The following TMCC1 variants were observed in gnomAD, a reference collection of about 807,000 sequenced individuals.
TMCC1 encodes the protein transmembrane and coiled-coil domain family 1.
In TMCC1, 15 loss-of-function variants were observed where a neutral mutation model predicts 52.4. That is an observed-to-expected ratio of 0.29 (90% CI 0.19 to 0.44). The LOEUF (loss-of-function observed/expected upper bound fraction) is 0.44, where lower values mean the gene tolerates loss of function less well. TMCC1 is among the 20% of genes least tolerant of loss of function. The pLI, the probability that TMCC1 is intolerant of heterozygous loss-of-function variation, is 1.00. For missense variants in TMCC1, 503 were observed against 806.0 expected (o/e 0.62, Z 4.55); for synonymous variants, 279 against 301.9 (o/e 0.92, Z 0.79).
rs540523494 is a variant in TMCC1, at chr3:129,767,430, T to C, written c.576+60373A>G. On this transcript the variant is annotated intron_variant, in intron 4 of 6. Transcript: ENST00000393238. ...CTCTGTTGCCCAGGTTGGAGTGCAG[T>C]AGTGCAGTGATAGCTTGCTGCAGTT... Among the ~76,000 whole-genome samples, 499 of 152,218 alleles carry C rather than the reference T, an allele frequency of 3.3e-3. 3 individuals carry two copies. The highest frequency in any genetic ancestry group is 5.7e-3 in the Non-Finnish European group (389 of 67,996).
At chr3:129,684,888 A>T (rs1456518858) in intron 4 of TMCC1, among the ~76,000 whole-genome samples, 1 of 152,226 alleles carries the variant, frequency 6.6e-6, no homozygotes, top group East Asian at 1.9e-4. Context: ...AGGCTTTACA[A>T]TTTAATTCAT....
chr3:129,811,638 T>C (rs2057812826), intron 4 of TMCC1, among the ~76,000 whole-genome samples: 1 of 152,096 alleles, frequency 6.6e-6, no homozygotes, highest in Non-Finnish European at 1.5e-5. Context: ...CTATGCATTT[T>C]TTTAAAAAAG....
At chr3:129,877,736 T>C (rs369251370) in intron 2 of TMCC1, among the ~76,000 whole-genome samples, 158 of 149,816 alleles carry the variant, frequency 1.1e-3, no homozygotes, top group African/African-American at 3.5e-3. Context: ...TCAAGCAATT[T>C]TCCTGCCTCA....
chr3:129,772,127 T>C (rs747419205), intron 4 of TMCC1, among the ~76,000 whole-genome samples: 2 of 152,024 alleles, frequency 1.3e-5, no homozygotes, highest in African/African-American at 2.4e-5. Flanking sequence ...GGAAGGCCAA[T>C]GTGGGAGGAT....
rs1004724568 is a variant in TMCC1 at position 129,649,020 on chromosome 3, A to G, written c.*2461T>C. On this transcript the variant is annotated 3_prime_UTR_variant, in exon 7 of 7. Transcript: ENST00000393238. ...GAAGATAGAAAGTCAGCATGGGACTATTTGGCTGGAGGCAGGGGGCTTTCT... is the reference window on the plus strand; with the variant it reads ...GAAGATAGAAAGTCAGCATGGGACTGTTTGGCTGGAGGCAGGGGGCTTTCT... 2.6e-4 allele frequency: 39 copies of G among 152,244 alleles called. No individual in the cohort carries two copies. Among genetic ancestry groups the G allele is most frequent in the African/African-American group, 8.9e-4 (37 of 41,464 alleles). The allele number at this position is 152,244 out of a possible 1,614,324, so 9.4% of individuals were successfully genotyped here.
intron 5 of TMCC1, 59 bp from the exon 6 acceptor site, chr3:129,655,162 T>G: frequency 6.3e-7 from 1 of 1,582,318 alleles, no homozygotes; most frequent in Non-Finnish European, 8.6e-7. Flanking sequence ...TTCCTGGCAT[T>G]ATTTACATCC....
chr3:129,807,779 T>G (rs1255239883), intron 4 of TMCC1, among the ~76,000 whole-genome samples: 1 of 152,172 alleles, frequency 6.6e-6, no homozygotes, highest in African/African-American at 2.4e-5. Context: ...GTAAAATAAA[T>G]TTTGGAATGG....
chr3:129,742,939 G>A (rs763064774), intron 4 of TMCC1, among the ~76,000 whole-genome samples: 2 of 152,134 alleles, frequency 1.3e-5, no homozygotes, highest in Non-Finnish European at 2.9e-5. Context: ...CCCAAAGGAC[G>A]ACATATTGTA....
At chr3:129,745,677 G>A (rs2051882116) in intron 4 of TMCC1, among the ~76,000 whole-genome samples, 1 of 152,010 alleles carries the variant, frequency 6.6e-6, no homozygotes, top group African/African-American at 2.4e-5. Context: ...AAAGTAAGAT[G>A]GGACCAGGCA....
chr3:129,823,288 C>T (rs534942877), intron 4 of TMCC1, among the ~76,000 whole-genome samples: 201 of 151,908 alleles, frequency 1.3e-3, no homozygotes, highest in African/African-American at 4.5e-3. Flanking sequence ...ATCACGCCAC[C>T]GCACTCCAGC....
At chr3:129,840,770 T>G (rs2059390622) in intron 2 of TMCC1, among the ~76,000 whole-genome samples, 1 of 152,218 alleles carries the variant, frequency 6.6e-6, no homozygotes, top group Admixed American at 6.5e-5. Context: ...TGATTTTAAG[T>G]TTCCTGAGGC....
chr3:129,672,169 C>T (rs1254723964), intron 4 of TMCC1, among the ~76,000 whole-genome samples: 1 of 152,162 alleles, frequency 6.6e-6, no homozygotes, highest in Admixed American at 6.5e-5. Flanking sequence ...CATAAATGTT[C>T]ACTCTTCAAC....
chr3:129,878,217 G>A (rs1577196988), intron 2 of TMCC1, among the ~76,000 whole-genome samples: 1 of 152,008 alleles, frequency 6.6e-6, no homozygotes, highest in East Asian at 1.9e-4. Context: ...GCCCGCCTCG[G>A]CCTCCCAAAG....
intron 4 of TMCC1, among the ~76,000 whole-genome samples, chr3:129,747,307 T>C (rs1179945137): frequency 6.6e-6 from 1 of 152,138 alleles, no homozygotes; most frequent in Admixed American, 6.5e-5. Flanking sequence ...CAAATTTACA[T>C]ATAATCCGAG....
At chr3:129,876,028 G>A (rs1413252577) in intron 2 of TMCC1, among the ~76,000 whole-genome samples, 2 of 151,896 alleles carry the variant, frequency 1.3e-5, no homozygotes, top group Non-Finnish European at 2.9e-5. Flanking sequence ...CCAGCTACCT[G>A]GGAGGCTGAG....
intron 4 of TMCC1, among the ~76,000 whole-genome samples, chr3:129,795,501 A>G (rs2056763599): frequency 2.6e-5 from 4 of 152,200 alleles, no homozygotes; most frequent in Admixed American, 2.6e-4. Context: ...TCCTGTGAGC[A>G]AAGTTATGTC....
intron 4 of TMCC1, among the ~76,000 whole-genome samples, chr3:129,817,451 T>C (rs1015037790): frequency 1.2e-4 from 18 of 152,092 alleles, no homozygotes; most frequent in African/African-American, 4.3e-4. Context: ...CCTGTCTTAA[T>C]CAATTAATAA....
chr3:129,855,821 A>G (rs2060125616), intron 2 of TMCC1, among the ~76,000 whole-genome samples: 1 of 152,254 alleles, frequency 6.6e-6, no homozygotes, highest in South Asian at 2.1e-4. Flanking sequence ...AGTAGATATT[A>G]TAATTCATTT....
chr3:129,824,352 CCAAA>C (rs1464081680), intron 4 of TMCC1, among the ~76,000 whole-genome samples: 34 of 152,062 alleles, frequency 2.2e-4, no homozygotes, highest in African/African-American at 7.9e-4. Flanking sequence ...AACCAACCAA[CCAAA>C]CAAACAGAAA....
Sources: gnomAD v4.1 joint callset for allele counts (sites outside exome capture counted in the v4.1 genomes callset) on GRCh38, gnomAD v4.1.1 for gene constraint, MANE v1.5 for transcripts, NCBI Gene and HGNC (gene_info 2026-07-23, HGNC 2026-07-21) for gene names.